Variants in ARHGAP27 observed in about 807,000 individuals in gnomAD.
The protein encoded by ARHGAP27 is Rho GTPase activating protein 27.
ARHGAP27 carries 53 observed loss-of-function variants against 102.0 expected under a neutral mutation model. The ratio of observed to expected loss-of-function variants is 0.52; its 90% CI spans 0.42 to 0.65. ARHGAP27 has a LOEUF of 0.65. Among genes scored for constraint, ARHGAP27 ranks in the 30% least tolerant of loss-of-function variants. ARHGAP27 has a pLI of 0.00. For missense variants in ARHGAP27, 1,117 were observed against 1,256.2 expected (o/e 0.89, Z 1.68); for synonymous variants, 525 against 542.8 (o/e 0.97, Z 0.46).
chr17:45,409,676 G>T (rs1220705040), intron 4 of ARHGAP27: 1 of 155,366 alleles, frequency 6.4e-6, no homozygotes, highest in Non-Finnish European at 1.4e-5. Flanking sequence ...CTGAGATAGA[G>T]ATGCTCTCCT....
chr17:45,405,252 C>T (rs994140950), intron 5 of ARHGAP27, 146 bp from the exon 6 acceptor site: 23 of 865,148 alleles, frequency 2.7e-5, no homozygotes, highest in African/African-American at 3.5e-5. Flanking sequence ...TCAGAGGTAG[C>T]TCCGCACCTC....
intron 4 of ARHGAP27, among the ~76,000 whole-genome samples, chr17:45,418,286 A>T (rs1450069172): frequency 1.3e-5 from 2 of 151,248 alleles, no homozygotes. Flanking sequence ...AAAAAAAAAA[A>T]AAAAAATCCC....
intron 12 of ARHGAP27, among the ~76,000 whole-genome samples, chr17:45,399,334 T>C (rs976957973): frequency 6.6e-6 from 1 of 152,294 alleles, no homozygotes; most frequent in African/African-American, 2.4e-5. Flanking sequence ...GGCTCATGCC[T>C]GTAATCCCAG....
rs533078667 is a variant in ARHGAP27, at chr17:45,396,568, C to A, written c.2092G>T (p.Ala698Ser). The change falls in exon 16 of 20, where the codon GCG becomes TCG. Residue 698 changes from alanine (A) to serine (S), a missense_variant. By Grantham distance (99) the Ala-to-Ser change is moderately conservative. Coordinates refer to ENST00000685559, the MANE Select transcript of ARHGAP27 (RefSeq NM_001282290.2). ...TCGCGCTCACACAGCGCGGCCAGCGCGCAGCCGAACACCTGGTCTAGGGCA... is the reference window on the plus strand; with the variant it reads ...TCGCGCTCACACAGCGCGGCCAGCGAGCAGCCGAACACCTGGTCTAGGGCA... ...GYIKDQVFGC[A>S]LAALCERERS... The A allele has an allele frequency of 6.2e-7, 1 of 1,604,296 alleles. No homozygotes were observed. Among genetic ancestry groups the A allele is most frequent in the African/African-American group, 1.3e-5 (1 of 74,816 alleles).
At chr17:45,429,522 G>T in intron 4 of ARHGAP27, 101 bp downstream of exon 4, 2 of 1,532,834 alleles carry the variant, frequency 1.3e-6, no homozygotes, top group South Asian at 1.2e-5. Flanking sequence ...TGGGCGTCGT[G>T]CCCGACGCTG....
chr17:45,430,280 C>G lies in ARHGAP27; in HGVS notation c.-1G>C. On this transcript the variant is annotated 5_prime_UTR_variant, in exon 4 of 20. Coordinates refer to ENST00000685559, the MANE Select transcript of ARHGAP27 (RefSeq NM_001282290.2). This position sits in a 1 kb window ranked among gnomAD's most constrained non-coding sequence, Gnocchi z 4.4. Reference sequence around the variant, plus strand: ...CGTCCCCCACCACGTCCGCCGCCATCGCAGCCGCGGCGTTTTCCTGCGGGC... The same window carrying G: ...CGTCCCCCACCACGTCCGCCGCCATGGCAGCCGCGGCGTTTTCCTGCGGGC... 6.4e-7 allele frequency: 1 copy of G among 1,569,982 alleles called. No individual in the cohort carries two copies. Among genetic ancestry groups the G allele is most frequent in the Non-Finnish European group, 8.6e-7 (1 of 1,166,484 alleles).
intron 4 of ARHGAP27, among the ~76,000 whole-genome samples, chr17:45,413,079 A>G (rs1340161016): frequency 7.0e-6 from 1 of 142,926 alleles, no homozygotes; most frequent in African/African-American, 2.6e-5. Flanking sequence ...TCCCAGGCTC[A>G]AGTGATTCTC....
chr17:45,431,756 G>T lies in ARHGAP27; in HGVS notation c.-150-4C>A. ...GAGAGGCTGCGCGGAACAGGAGCTG[G>T]CAAGCAGAGCGAAGAGGGACAGGGA... On this transcript the variant is annotated splice_region_variant and splice_polypyrimidine_tract_variant and intron_variant, in intron 2 of 19. Coordinates refer to ENST00000685559, the MANE Select transcript of ARHGAP27 (RefSeq NM_001282290.2). The T allele has an allele frequency of 5.8e-6, 1 of 172,700 alleles. No homozygotes were observed. Among genetic ancestry groups the T allele is most frequent in the South Asian group, 1.1e-4 (1 of 9,250 alleles). The allele number at this position is 172,700 out of a possible 1,614,324, so 10.7% of individuals were successfully genotyped here.
chr17:45,412,750 A>G (rs1394842228), intron 4 of ARHGAP27, among the ~76,000 whole-genome samples: 1 of 152,104 alleles, frequency 6.6e-6, no homozygotes, highest in Admixed American at 6.5e-5. Flanking sequence ...CCAGAGCTAC[A>G]TGTCCAGGGG....
intron 4 of ARHGAP27, among the ~76,000 whole-genome samples, chr17:45,410,734 G>T (rs1257353856): frequency 6.6e-6 from 1 of 151,980 alleles, no homozygotes; most frequent in East Asian, 1.9e-4. Context: ...GCCTGGGCTG[G>T]CCTGGAGTGG....
Position 45,404,014 on chromosome 17 carries a change from T to C in ARHGAP27, c.1547+15A>G. 1 of 1,613,792 alleles carries C rather than the reference T, an allele frequency of 6.2e-7. No individual in the cohort carries two copies. The highest frequency in any genetic ancestry group is 8.5e-7 in the Non-Finnish European group (1 of 1,179,924). ...GGCCCACCCTGCCCCGGCCTGAGTG[T>C]AGATGGGCTCTCACCGGAGCCGCTT... On this transcript the variant is annotated intron_variant, in intron 10 of 19. Transcript: ENST00000685559.
rs368827618 is a variant in ARHGAP27, at chr17:45,396,770, C to T, written c.1972G>A (p.Val658Met). 1.7e-5 allele frequency: 28 copies of T among 1,612,896 alleles called. No homozygotes were observed. Among genetic ancestry groups the T allele is most frequent in the Non-Finnish European group, 2.4e-5 (28 of 1,179,384 alleles). Residue 658 changes from valine to methionine, a missense_variant, in exon 15 of 20, where the codon GTG becomes ATG. Val to Met is a conservative substitution (Grantham distance 21). This residue lies in a region of ARHGAP27 where 493 missense variants were observed against 505.5 expected (regional missense o/e 0.98). Transcript: ENST00000685559. ...TTGCTCAAGTCGCTCTCCAGGCCCACGGGGCCCAGGGCGGGCGCGGCTGCC... is the reference window on the plus strand; with the variant it reads ...TTGCTCAAGTCGCTCTCCAGGCCCATGGGGCCCAGGGCGGGCGCGGCTGCC... ...PNAAAPALGP[V>M]GLESDLSKVR... is the part of the protein sequence containing the mutation.
rs532181899 is a variant in ARHGAP27 at position 45,405,707 on chromosome 17, C to A, written c.1034G>T (p.Gly345Val). The change falls in exon 5 of 20, where the codon GGC becomes GTC. Residue 345 changes from glycine to valine, a missense_variant. By Grantham distance (109) the Gly-to-Val change is moderately radical. Coordinates refer to ENST00000685559, the MANE Select transcript of ARHGAP27 (RefSeq NM_001282290.2). ...EPEEELEMQP[G>V]LSPGSPGDPR... Reference sequence around the variant, plus strand: ...GTCCCCTGGGCTGCCAGGGCTCAGGCCCGGCTGCATCTCCAACTCCTCCTC... The same window carrying A: ...GTCCCCTGGGCTGCCAGGGCTCAGGACCGGCTGCATCTCCAACTCCTCCTC... 5.0e-6 allele frequency: 8 copies of A among 1,602,540 alleles called. No individual in the cohort carries two copies. In the South Asian group the frequency reaches 7.7e-5, roughly 15 times the overall value.
Position 45,402,791 on chromosome 17 carries a change from CA to C in ARHGAP27, c.1665del (p.Glu556SerfsTer6). On this transcript the variant is annotated frameshift_variant, in exon 12 of 20. Coordinates refer to ENST00000685559, the MANE Select transcript of ARHGAP27 (RefSeq NM_001282290.2). LOFTEE classifies it high-confidence loss of function. ...GCCCCCCTCAGCTCCACTGTGTACT[CA>C]GGGGTGGAAAACTTGGAAGGCTGCC... ...GLRQPSKFST[P>X]EYTVELRGAT... 6.2e-7 allele frequency: 1 copy of C among 1,613,542 alleles called. No homozygotes were observed. The highest frequency in any genetic ancestry group is 8.5e-7 in the Non-Finnish European group (1 of 1,179,750).
At chr17:45,401,818 A>C (rs2046471810) in intron 12 of ARHGAP27, 1 of 152,256 alleles carries the variant, frequency 6.6e-6, no homozygotes, top group African/African-American at 2.4e-5. Context: ...AGTCGGAGCT[A>C]AATTTTCTTC....
intron 4 of ARHGAP27, among the ~76,000 whole-genome samples, chr17:45,412,222 G>T (rs762074682): frequency 1.3e-5 from 2 of 152,240 alleles, no homozygotes; most frequent in Non-Finnish European, 2.9e-5. Flanking sequence ...GGCCACAGAA[G>T]TTGGCTCTCA....
At chr17:45,397,368 C>T (rs1425109695) in intron 13 of ARHGAP27, 1 of 1,078,494 alleles carries the variant, frequency 9.3e-7, no homozygotes, top group East Asian at 4.8e-5. Flanking sequence ...GCTCCCAGTT[C>T]TGAGCCTGCA....
chr17:45,429,941 G>A lies in ARHGAP27; in HGVS notation c.339C>T (p.Ser113=), dbSNP rs1223091497. 13 of 1,132,210 alleles carry A rather than the reference G, an allele frequency of 1.1e-5. No individual in the cohort carries two copies. Among genetic ancestry groups the A allele is most frequent in the South Asian group, 3.7e-5 (1 of 26,760 alleles). 70.1% of individuals were successfully genotyped at this position (1,132,210 alleles called of 1,614,324 possible). Residue 113 remains serine, a synonymous_variant, in exon 4 of 20, where the codon TCC becomes TCT. Transcript: ENST00000685559. ...CGCACAGGGAGCTGGCTCGGCCTCC[G>A]GACTCCTCGGGGGCGCCGTCGGGGC... The part of the protein sequence containing the change: ...TAGPDGAPEE[S]GGRASSLCGP...
In ARHGAP27 at chr17:45,405,099, G is replaced by C. The variant is rs1362886373; in HGVS notation, c.1073C>G (p.Thr358Ser). 3.8e-6 allele frequency: 6 copies of C among 1,578,726 alleles called. No homozygotes were observed. The highest frequency in any genetic ancestry group is 4.3e-6 in the Non-Finnish European group (5 of 1,160,396). The change falls in exon 6 of 20, where the codon ACT becomes AGT. Residue 358 changes from threonine to serine, a missense_variant. By Grantham distance (58) the Thr-to-Ser change is moderately conservative. This residue lies in a region of ARHGAP27 where 610 missense variants were observed against 716.4 expected (regional missense o/e 0.85). Transcript: ENST00000685559. ...PGSPGDPRPP[T>S]PETDYPESLT... is the part of the protein sequence containing the mutation. ...CGACTCGGGGTAGTCCGTCTCGGGAGTGGGGGGCTGCGGGGAACAGAAGGT... is the reference window on the plus strand; with the variant it reads ...CGACTCGGGGTAGTCCGTCTCGGGACTGGGGGGCTGCGGGGAACAGAAGGT...
Sources: allele counts gnomAD v4.1 joint callset (sites outside exome capture counted in the v4.1 genomes callset), GRCh38; gene constraint gnomAD v4.1.1; regional missense constraint gnomAD v4.1.1; non-coding constraint Gnocchi (gnomAD v3.1); transcripts MANE v1.5; gene names NCBI Gene and HGNC (gene_info 2026-07-23, HGNC 2026-07-21).